CATSPERB: variants seen among roughly 807,000 people sequenced by gnomAD.
CATSPERB encodes cation channel sperm-associated auxiliary subunit beta.
Under a neutral mutation model 128.3 loss-of-function variants are expected in CATSPERB, and 93 were observed. The observed-to-expected ratio is 0.72, with a 90% CI of 0.61 to 0.86. The LOEUF (loss-of-function observed/expected upper bound fraction) is 0.86. Ranked by LOEUF, CATSPERB falls within the 40% of genes least tolerant of loss-of-function variation. The probability of loss-of-function intolerance (pLI) is 0.00; values close to 1 mark genes in which losing one functional copy is unlikely to be tolerated. For synonymous variants in CATSPERB, 381 were observed against 448.8 expected, an observed-to-expected ratio of 0.85 and a Z score of 1.91; for missense variants, 1,153 against 1,329.5, an observed-to-expected ratio of 0.87 and a Z score of 2.06.
At chr14:91,592,042 GT>G (rs1893415605) in intron 22 of CATSPERB, 40 bp from the exon 23 acceptor site, 1 of 1,282,456 alleles carries the variant, frequency 7.8e-7, no homozygotes, top group African/African-American at 1.5e-5. Flanking sequence ...GTTTTTCTGC[GT>G]TGCGGGATTT....
intron 15 of CATSPERB, chr14:91,646,356 C>A: frequency 6.5e-6 from 1 of 152,812 alleles, no homozygotes; most frequent in Non-Finnish European, 1.5e-5. Context: ...CCACTATCAC[C>A]CTGTACAAGC....
intron 18 of CATSPERB, among the ~76,000 whole-genome samples, chr14:91,623,325 A>G (rs1388755554): frequency 1.3e-5 from 2 of 152,114 alleles, no homozygotes; most frequent in Non-Finnish European, 2.9e-5. Context: ...CTGGTTTGAC[A>G]CACTCTTAGT....
At chr14:91,585,681 C>T (rs1893285162) in intron 26 of CATSPERB, among the ~76,000 whole-genome samples, 1 of 152,016 alleles carries the variant, frequency 6.6e-6, no homozygotes, top group Non-Finnish European at 1.5e-5. Flanking sequence ...CATTTGTGGT[C>T]CTTTGTTGAT....
chr14:91,655,274 C>T (rs1290100550), intron 15 of CATSPERB, among the ~76,000 whole-genome samples: 1 of 152,208 alleles, frequency 6.6e-6, no homozygotes, highest in African/African-American at 2.4e-5. Context: ...AATCCCCAGA[C>T]ACCAATCAAT....
intron 14 of CATSPERB, among the ~76,000 whole-genome samples, chr14:91,668,285 C>G (rs2069543564): frequency 6.7e-6 from 1 of 149,464 alleles, no homozygotes; most frequent in African/African-American, 2.4e-5. Context: ...CTGTGTCTAG[C>G]TAAAGGTTTG....
In CATSPERB at chr14:91,582,568, C is replaced by T. The variant is rs908126105; in HGVS notation, c.3133-1461G>A. Among the ~76,000 whole-genome samples, 49 of 152,172 alleles carry T rather than the reference C, an allele frequency of 3.2e-4. 1 individual carries two copies. Among genetic ancestry groups the T allele is most frequent in the Non-Finnish European group, 6.6e-4 (45 of 68,036 alleles). On this transcript the variant is annotated intron_variant, in intron 26 of 26. Transcript: ENST00000256343. ...GCGTGCTTTCCTCTGACTGATCCCA[C>T]CCTTCAACTGTTTTACATATACCTA...
At position 91,595,953 on chromosome 14, in the gene CATSPERB, G is replaced by T. The variant is rs1893498880; in HGVS notation, c.2710-3951C>A. On this transcript the variant is annotated intron_variant, in intron 22 of 26. Coordinates refer to ENST00000256343, the MANE Select transcript of CATSPERB (RefSeq NM_024764.4). ...ATTAAAAGCTGTAAATAGCTTAAAAGAATTGTTTTCTTAACTCTGAAAAAC... is the reference window on the plus strand; with the variant it reads ...ATTAAAAGCTGTAAATAGCTTAAAATAATTGTTTTCTTAACTCTGAAAAAC... Among the ~76,000 whole-genome samples the T allele has an allele frequency of 1.3e-5, 2 of 152,268 alleles. 1 individual carries two copies.
At chr14:91,605,114 GA>G (rs931166419) in intron 22 of CATSPERB, 5 of 1,258,148 alleles carry the variant, frequency 4.0e-6, no homozygotes, top group Non-Finnish European at 5.8e-6. Flanking sequence ...GGGAGGGGTG[GA>G]AGAATCAGGG....
chr14:91,610,780 A>C, intron 20 of CATSPERB, 103 bp from the exon 21 acceptor site: 193 of 1,053,188 alleles, frequency 1.8e-4, no homozygotes, highest in Non-Finnish European at 2.4e-4. Flanking sequence ...CCAGTATCTC[A>C]AAATGTGGCT....
At chr14:91,706,532 T>C (rs1006037662) in intron 6 of CATSPERB, among the ~76,000 whole-genome samples, 7 of 152,260 alleles carry the variant, frequency 4.6e-5, no homozygotes, top group Admixed American at 4.6e-4. Flanking sequence ...GTGACCAATA[T>C]GAAGGTCACT....
chr14:91,666,135 C>A (rs932806201), intron 14 of CATSPERB, among the ~76,000 whole-genome samples: 4 of 152,164 alleles, frequency 2.6e-5, no homozygotes, highest in African/African-American at 9.7e-5. Flanking sequence ...ATCAAGGGTA[C>A]AAGGCATCTA....
chr14:91,601,258 T>G lies in CATSPERB; in HGVS notation c.2709+7036A>C, dbSNP rs139465485. Among the ~76,000 whole-genome samples the G allele has an allele frequency of 6.7e-3, 1,019 of 152,340 alleles. 10 individuals are homozygous for G. The highest frequency in any genetic ancestry group is 0.023 in the African/African-American group (976 of 41,584). ...AAGTATTGCCATTGAAAGTGATCTTTTTCCTGAGAAAGTTATGTTGCAAAA... is the reference window on the plus strand; with the variant it reads ...AAGTATTGCCATTGAAAGTGATCTTGTTCCTGAGAAAGTTATGTTGCAAAA... On this transcript the variant is annotated intron_variant, in intron 22 of 26. Transcript: ENST00000256343.
chr14:91,590,299 G>C (rs757005085), intron 23 of CATSPERB, among the ~76,000 whole-genome samples: 2 of 152,180 alleles, frequency 1.3e-5, no homozygotes, highest in Non-Finnish European at 2.9e-5. Flanking sequence ...GGGAGGTGGA[G>C]GCAGGTGGAT....
At chr14:91,668,609 G>A (rs1270276156) in intron 14 of CATSPERB, among the ~76,000 whole-genome samples, 2 of 152,186 alleles carry the variant, frequency 1.3e-5, no homozygotes, top group Non-Finnish European at 2.9e-5. Context: ...TTCACAATAA[G>A]TCTTGCTGCT....
rs951723976 is a variant in CATSPERB at position 91,676,450 on chromosome 14, CA to C, written c.932-2229del. 8.5e-4 allele frequency among the ~76,000 whole-genome samples: 128 copies of C among 150,890 alleles called. 1 individual carries two copies. Among genetic ancestry groups the C allele is most frequent in the Non-Finnish European group, 1.1e-3 (74 of 67,708 alleles). ...TTTTAAACTGAGGGGCAAGTTATAG[CA>C]AAAAAAATTCAGAGCTCACATGGTT... On this transcript the variant is annotated intron_variant, in intron 11 of 26. Transcript: ENST00000256343.
intron 11 of CATSPERB, among the ~76,000 whole-genome samples, chr14:91,678,758 A>T (rs1254896155): frequency 6.6e-6 from 1 of 152,188 alleles, no homozygotes; most frequent in Non-Finnish European, 1.5e-5. Flanking sequence ...TTGGCATAAA[A>T]GTTATAAGGC....
intron 22 of CATSPERB, among the ~76,000 whole-genome samples, chr14:91,599,464 C>G (rs1893570421): frequency 7.0e-6 from 1 of 142,744 alleles, no homozygotes; most frequent in Non-Finnish European, 1.5e-5. Flanking sequence ...GAGGCTGAGG[C>G]AGGAGAATGG....
chr14:91,613,389 T>A (rs750312252), intron 20 of CATSPERB, among the ~76,000 whole-genome samples: 1 of 152,138 alleles, frequency 6.6e-6, no homozygotes, highest in Non-Finnish European at 1.5e-5. Flanking sequence ...GATTAGAACA[T>A]ACAGTTAAAT....
chr14:91,666,324 TG>T (rs1198135216), intron 14 of CATSPERB, among the ~76,000 whole-genome samples: 1 of 152,110 alleles, frequency 6.6e-6, no homozygotes, highest in Non-Finnish European at 1.5e-5. Flanking sequence ...TATGGATCCC[TG>T]GATAGAGCGA....
Sources: allele counts gnomAD v4.1 joint callset (sites outside exome capture counted in the v4.1 genomes callset), GRCh38; gene constraint gnomAD v4.1.1; transcripts MANE v1.5; gene names NCBI Gene and HGNC (gene_info 2026-07-23, HGNC 2026-07-21).